Variants in ATP6V1C2 observed in about 807,000 individuals in gnomAD.
The protein encoded by ATP6V1C2 is ATPase H+ transporting V1 subunit C2, also known as V-type proton ATPase subunit C 2.
ATP6V1C2 carries 45 observed loss-of-function variants against 56.8 expected under a neutral mutation model. That is an observed-to-expected ratio of 0.79 (90% CI 0.62 to 1.02). ATP6V1C2 has a LOEUF of 1.02. ATP6V1C2 is among the 50% of genes least tolerant of loss of function. The pLI, the probability that ATP6V1C2 is intolerant of heterozygous loss-of-function variation, is 0.00. For missense variants in ATP6V1C2, 463 were observed against 519.7 expected, an observed-to-expected ratio of 0.89 and a Z score of 1.06; for synonymous variants, 220 against 201.3, an observed-to-expected ratio of 1.09 and a Z score of -0.79.
chr2:10,777,299 A>G (rs1665058207), intron 10 of ATP6V1C2, among the ~76,000 whole-genome samples: 1 of 152,142 alleles, frequency 6.6e-6, no homozygotes, highest in Non-Finnish European at 1.5e-5. Flanking sequence ...GTCCTGGCTG[A>G]GCCCAAGCAA....
intron 3 of ATP6V1C2, among the ~76,000 whole-genome samples, chr2:10,735,613 A>C (rs1161628025): frequency 6.9e-6 from 1 of 144,330 alleles, no homozygotes; most frequent in Non-Finnish European, 1.5e-5. Flanking sequence ...TCTTTTTTTG[A>C]GAAAGGATCT....
intron 12 of ATP6V1C2, among the ~76,000 whole-genome samples, chr2:10,781,241 TG>T (rs1288600593): frequency 6.6e-6 from 1 of 152,106 alleles, no homozygotes; most frequent in Non-Finnish European, 1.5e-5. Context: ...GCCAGGCTGC[TG>T]GGGGAGGAGC....
In ATP6V1C2 at chr2:10,772,438, C is replaced by T. The variant is rs916649916; in HGVS notation, c.570-104C>T. On this transcript the variant is annotated intron_variant, in intron 7 of 13. Transcript: ENST00000272238. ...GGCTCCCTCTGACCCCATCCCTGCT[C>T]ACCTTCAGGCCTTCAGGAAAAGGGG... The T allele has an allele frequency of 6.2e-6, 6 of 969,446 alleles. No individual in the cohort carries two copies. The African/African-American group carries it at 8.0e-5, about 13-fold the overall frequency. 60.1% of individuals were successfully genotyped at this position (969,446 alleles called of 1,614,324 possible).
chr2:10,756,721 AAAAG>A (rs1052402771), intron 4 of ATP6V1C2, among the ~76,000 whole-genome samples: 9 of 152,176 alleles, frequency 5.9e-5, no homozygotes, highest in African/African-American at 1.2e-4. Flanking sequence ...CTGTCTCAAA[AAAAG>A]AAAGAAAGAA....
intron 12 of ATP6V1C2, among the ~76,000 whole-genome samples, chr2:10,779,642 C>T (rs1328460905): frequency 2.9e-5 from 4 of 139,612 alleles, no homozygotes; most frequent in African/African-American, 5.4e-5. Flanking sequence ...GCCGAGATCG[C>T]GTCACTGCAC....
At chr2:10,759,075 G>C (rs1663731649) in intron 4 of ATP6V1C2, among the ~76,000 whole-genome samples, 2 of 152,374 alleles carry the variant, frequency 1.3e-5, no homozygotes, top group South Asian at 2.1e-4. Flanking sequence ...GGATGAACCA[G>C]AGGCACACAT....
At chr2:10,767,490 C>T (rs1218512684) in intron 5 of ATP6V1C2, among the ~76,000 whole-genome samples, 1 of 152,048 alleles carries the variant, frequency 6.6e-6, no homozygotes, top group Admixed American at 6.6e-5. Flanking sequence ...CAGAGTCTCA[C>T]TCTGTCACCC....
intron 8 of ATP6V1C2, 142 bp downstream of exon 8, chr2:10,772,752 A>G: frequency 1.3e-6 from 1 of 756,586 alleles, no homozygotes; most frequent in Non-Finnish European, 2.3e-6. Flanking sequence ...CTTGGCCTGG[A>G]ATTCTGTCAG....
At chr2:10,782,177 T>G in intron 12 of ATP6V1C2, 66 bp from the exon 13 acceptor site, 1 of 1,583,924 alleles carries the variant, frequency 6.3e-7, no homozygotes, top group Non-Finnish European at 8.6e-7. Context: ...CTGTTTCTGG[T>G]CAGGTTCCTT....
intron 5 of ATP6V1C2, among the ~76,000 whole-genome samples, chr2:10,765,637 C>T (rs767686697): frequency 2.0e-5 from 3 of 152,210 alleles, no homozygotes; most frequent in Non-Finnish European, 4.4e-5. Flanking sequence ...CCTGCTGGGA[C>T]GATCAGGCAG....
intron 3 of ATP6V1C2, among the ~76,000 whole-genome samples, chr2:10,732,978 AAAG>A (rs1455018172): frequency 6.6e-6 from 1 of 151,862 alleles, no homozygotes; most frequent in Non-Finnish European, 1.5e-5. Context: ...AAAAAAAAAA[AAAG>A]AAAAAGAAAT....
intron 3 of ATP6V1C2, among the ~76,000 whole-genome samples, chr2:10,735,914 G>A (rs936055876): frequency 3.9e-5 from 6 of 152,090 alleles, no homozygotes; most frequent in African/African-American, 1.4e-4. Flanking sequence ...ACAAAATGCA[G>A]ATTCTGACTC....
chr2:10,770,151 C>T (rs1331904862), intron 6 of ATP6V1C2: 1 of 152,200 alleles, frequency 6.6e-6, no homozygotes, highest in African/African-American at 2.4e-5. Context: ...GTAGTCCCAG[C>T]ACTTTGGGAG....
chr2:10,772,271 A>G (rs1664663386), intron 7 of ATP6V1C2, among the ~76,000 whole-genome samples: 7 of 152,182 alleles, frequency 4.6e-5, no homozygotes, highest in Admixed American at 4.6e-4. Flanking sequence ...AGCTTGTCCA[A>G]GGTCACACGG....
chr2:10,770,725 T>C (rs6757005), intron 6 of ATP6V1C2, among the ~76,000 whole-genome samples: 61,471 of 152,176 alleles, frequency 0.4, 12,683 homozygotes, highest in Non-Finnish European at 0.46. Context: ...ATTTACTAAG[T>C]GCATATACCA....
At chr2:10,778,519 C>G in intron 11 of ATP6V1C2, 53 bp from the exon 12 acceptor site, 1 of 1,554,372 alleles carries the variant, frequency 6.4e-7, no homozygotes. Context: ...TTTCTTGGCT[C>G]TGTGTCAGGC....
chr2:10,729,951 T>G (rs546272392), intron 3 of ATP6V1C2, among the ~76,000 whole-genome samples: 18 of 152,320 alleles, frequency 1.2e-4, no homozygotes, highest in Admixed American at 4.6e-4. Context: ...TTAAAGGGTT[T>G]CAGGGATTCC....
chr2:10,764,565 C>T (rs1249162879), intron 5 of ATP6V1C2, 140 bp downstream of exon 5: 8 of 701,666 alleles, frequency 1.1e-5, no homozygotes, highest in Non-Finnish European at 1.9e-5. Context: ...CTTCCATGCA[C>T]TGGGCAGGTT....
At chr2:10,742,449 T>C (rs376888446) in intron 3 of ATP6V1C2, among the ~76,000 whole-genome samples, 125 of 152,240 alleles carry the variant, frequency 8.2e-4, no homozygotes, top group African/African-American at 3.0e-3. Flanking sequence ...AGACACTGTG[T>C]CTTAAGGCTA....
Sources: allele counts gnomAD v4.1 joint callset (sites outside exome capture counted in the v4.1 genomes callset), GRCh38; gene constraint gnomAD v4.1.1; transcripts MANE v1.5; gene names NCBI Gene and HGNC (gene_info 2026-07-23, HGNC 2026-07-21).